The following MCHR2 variants were observed in gnomAD, a reference collection of about 807,000 sequenced individuals.
MCHR2 encodes melanin concentrating hormone receptor 2.
Under a neutral mutation model 24.8 loss-of-function variants are expected in MCHR2, and 15 were observed. The ratio of observed to expected loss-of-function variants is 0.60; its 90% CI spans 0.40 to 0.93. MCHR2 has a LOEUF of 0.93. Among genes scored for constraint, MCHR2 ranks in the 40% least tolerant of loss-of-function variants. MCHR2 has a pLI of 0.00. For missense variants in MCHR2, 386 were observed against 408.7 expected (o/e 0.94, Z 0.48); for synonymous variants, 151 against 147.6 (o/e 1.02, Z -0.17).
intron 4 of MCHR2, among the ~76,000 whole-genome samples, chr6:99,941,189 GA>G (rs1244120633): frequency 1.3e-5 from 2 of 150,730 alleles, no homozygotes; most frequent in Non-Finnish European, 2.9e-5. Context: ...GAATGGGGGA[GA>G]GGGGTGTCAT....
intron 1 of MCHR2, among the ~76,000 whole-genome samples, chr6:99,986,552 A>G (rs1470050109): frequency 6.6e-6 from 1 of 152,166 alleles, no homozygotes; most frequent in African/African-American, 2.4e-5. Context: ...CCATTATTCT[A>G]ATTGAAATGA....
At chr6:99,988,037 A>G (rs955966469) in intron 1 of MCHR2, among the ~76,000 whole-genome samples, 2 of 152,102 alleles carry the variant, frequency 1.3e-5, no homozygotes, top group South Asian at 2.1e-4. Flanking sequence ...AGAATATTTA[A>G]CTCATTTGAT....
chr6:99,993,532 G>A (rs1221012525), intron 1 of MCHR2, among the ~76,000 whole-genome samples: 1 of 151,974 alleles, frequency 6.6e-6, no homozygotes, highest in Non-Finnish European at 1.5e-5. Flanking sequence ...GCCAGTGATC[G>A]CCTCCTCGCC....
intron 1 of MCHR2, among the ~76,000 whole-genome samples, chr6:99,980,834 T>C (rs1330038570): frequency 2.0e-5 from 3 of 152,158 alleles, no homozygotes; most frequent in Non-Finnish European, 2.9e-5. Flanking sequence ...ACTGATTACA[T>C]GAAACTAGCT....
At chr6:99,974,895 G>A (rs993538892) in intron 1 of MCHR2, among the ~76,000 whole-genome samples, 1 of 152,272 alleles carries the variant, frequency 6.6e-6, no homozygotes, top group Admixed American at 6.5e-5. Flanking sequence ...GCAGATCTTG[G>A]TGAACCGCAA....
intron 1 of MCHR2, among the ~76,000 whole-genome samples, chr6:99,966,079 C>T (rs1775291693): frequency 6.6e-6 from 1 of 152,166 alleles, no homozygotes; most frequent in Admixed American, 6.6e-5. Flanking sequence ...TCTTCCACCT[C>T]TCTATACAAC....
intron 1 of MCHR2, among the ~76,000 whole-genome samples, chr6:99,960,127 C>G (rs1253784688): frequency 6.6e-6 from 1 of 152,054 alleles, no homozygotes; most frequent in Non-Finnish European, 1.5e-5. Flanking sequence ...TCCAATACAT[C>G]TGTTAGTGGA....
At chr6:99,967,276 T>C (rs1775312648) in intron 1 of MCHR2, among the ~76,000 whole-genome samples, 1 of 152,062 alleles carries the variant, frequency 6.6e-6, no homozygotes, top group Admixed American at 6.6e-5. Context: ...TCTTCATACA[T>C]ACACAATTTA....
intron 5 of MCHR2, among the ~76,000 whole-genome samples, chr6:99,933,372 T>C (rs1283661659): frequency 6.6e-6 from 1 of 152,190 alleles, no homozygotes; most frequent in Non-Finnish European, 1.5e-5. Flanking sequence ...TAGCTGTTGG[T>C]ATCTTTAATA....
chr6:99,931,462 C>T (rs1202997961), intron 5 of MCHR2, among the ~76,000 whole-genome samples: 3 of 152,214 alleles, frequency 2.0e-5, no homozygotes, highest in Admixed American at 6.5e-5. Context: ...CAGTGGCAGG[C>T]AGGCCTCCTT....
chr6:99,922,904 AT>A (rs56705526), intron 5 of MCHR2, among the ~76,000 whole-genome samples: 4 of 151,226 alleles, frequency 2.6e-5, no homozygotes, highest in African/African-American at 4.9e-5. Flanking sequence ...AAATTTTAAG[AT>A]TTTTTTTTCT....
Position 99,943,101 on chromosome 6 carries a change from T to G in MCHR2, c.435A>C (p.Arg145Ser). 6.2e-7 allele frequency: 1 copy of G among 1,611,386 alleles called. No homozygotes were observed. Among genetic ancestry groups the G allele is most frequent in the Non-Finnish European group, 8.5e-7 (1 of 1,178,304 alleles). The change falls in exon 4 of 6, where the codon AGA (arginine) becomes AGC (serine). Residue 145 changes from arginine (R) to serine (S), a missense_variant. Coordinates refer to ENST00000281806, the MANE Select transcript of MCHR2 (RefSeq NM_001040179.2). ...TGATCCGGATGGTCTTGTACCTTGT[T>G]CTCCAACGTGTCAGTCGAAATGGTT... ...LVQPFRLTRW[R>S]TRYKTIRINL...
At chr6:99,981,188 T>G (rs150411949) in intron 1 of MCHR2, among the ~76,000 whole-genome samples, 1 of 152,324 alleles carries the variant, frequency 6.6e-6, no homozygotes, top group East Asian at 1.9e-4. Flanking sequence ...AAAGTACAGA[T>G]TGTCCTATGC....
chr6:99,971,086 C>T (rs1253686053), intron 1 of MCHR2, among the ~76,000 whole-genome samples: 2 of 151,960 alleles, frequency 1.3e-5, no homozygotes, highest in Non-Finnish European at 2.9e-5. Context: ...TAGTTTTTTC[C>T]AATTCTGTGA....
intron 5 of MCHR2, among the ~76,000 whole-genome samples, chr6:99,931,042 T>G (rs550897075): frequency 6.6e-5 from 10 of 152,318 alleles, no homozygotes; most frequent in Admixed American, 3.3e-4. Context: ...GTTTGTTAGT[T>G]TTCCTTCTAA....
In MCHR2 at chr6:99,935,317, A is replaced by G. The variant is rs905302994; in HGVS notation, c.588-800T>C. 2.0e-5 allele frequency among the ~76,000 whole-genome samples: 3 copies of G among 152,042 alleles called. No individual in the cohort carries two copies. In the East Asian group the frequency reaches 5.8e-4, roughly 29 times the overall value. On this transcript the variant is annotated intron_variant, in intron 4 of 5. Coordinates refer to ENST00000281806, the MANE Select transcript of MCHR2 (RefSeq NM_001040179.2). The stretch of plus-strand genomic sequence containing the variant: ...CCAAACACTAGGTCTTATTTCTTTT[A>G]TTAAAGTGTATCTTTGTATCCACTT...
At chr6:99,993,075 CAGA>C (rs978283675) in intron 1 of MCHR2, among the ~76,000 whole-genome samples, 2 of 152,190 alleles carry the variant, frequency 1.3e-5, no homozygotes, top group Non-Finnish European at 2.9e-5. Flanking sequence ...TCCTCAAATC[CAGA>C]AGATTTTGTG....
At chr6:99,934,104 C>G (rs1404892055) in intron 5 of MCHR2, among the ~76,000 whole-genome samples, 1 of 151,984 alleles carries the variant, frequency 6.6e-6, no homozygotes, top group Non-Finnish European at 1.5e-5. Flanking sequence ...GCAATGAAAA[C>G]AGTTAAATAA....
chr6:99,931,719 G>A (rs369526820), intron 5 of MCHR2, among the ~76,000 whole-genome samples: 3 of 152,130 alleles, frequency 2.0e-5, no homozygotes, highest in Admixed American at 6.5e-5. Flanking sequence ...GGAGTGACCC[G>A]ATTTTCCAGG....
Sources: gnomAD v4.1 joint callset for allele counts (sites outside exome capture counted in the v4.1 genomes callset) on GRCh38, gnomAD v4.1.1 for gene constraint, MANE v1.5 for transcripts, NCBI Gene and HGNC (gene_info 2026-07-23, HGNC 2026-07-21) for gene names.